Variants in COMMD1 observed in about 807,000 individuals in gnomAD.
COMMD1 encodes copper metabolism domain containing 1.
In COMMD1, 10 loss-of-function variants were observed where a neutral mutation model predicts 17.2. The observed-to-expected ratio is 0.58, with a 90% CI of 0.36 to 0.99. The LOEUF is 0.99. Among genes scored for constraint, COMMD1 ranks in the 50% least tolerant of loss-of-function variants. COMMD1 has a pLI of 0.01. For synonymous variants in COMMD1, 97 were observed against 91.6 expected (o/e 1.06, Z -0.34); for missense variants, 270 against 231.8 (o/e 1.17, Z -1.07).
chr2:62,095,551 C>T (rs2104008074), intron 2 of COMMD1, among the ~76,000 whole-genome samples: 1 of 152,084 alleles, frequency 6.6e-6, no homozygotes, highest in South Asian at 2.1e-4. Flanking sequence ...ATATGTACAT[C>T]AGATTCAGTA....
intron 1 of COMMD1, among the ~76,000 whole-genome samples, chr2:61,940,328 G>A (rs1397641233): frequency 1.3e-5 from 2 of 152,090 alleles, no homozygotes; most frequent in South Asian, 2.1e-4. Flanking sequence ...GTCACATACA[G>A]TACCCATTTT....
chr2:62,041,310 G>GT (rs911649574), intron 2 of COMMD1, among the ~76,000 whole-genome samples: 12 of 149,496 alleles, frequency 8.0e-5, no homozygotes, highest in Admixed American at 4.0e-4. Flanking sequence ...ACTACTTGTG[G>GT]TTTTTTTTTC....
intron 1 of COMMD1, among the ~76,000 whole-genome samples, chr2:61,897,750 T>TA (rs1393011593): frequency 6.6e-6 from 1 of 151,848 alleles, no homozygotes; most frequent in South Asian, 2.1e-4. Context: ...ACTCTGTCTT[T>TA]AAAAAAAATA....
chr2:61,888,704 G>A, upstream of COMMD1: 2 of 593,218 alleles, frequency 3.4e-6, no homozygotes, highest in Non-Finnish European at 5.7e-6. Flanking sequence ...GAGGCTGTCC[G>A]CTGCGCGCCG....
At chr2:61,928,627 G>A (rs1231812234) in intron 1 of COMMD1, 1 of 152,124 alleles carries the variant, frequency 6.6e-6, no homozygotes, top group African/African-American at 2.4e-5. Flanking sequence ...ATTTTTAAGG[G>A]TGGTCAAGTG....
chr2:62,055,578 G>A (rs1318192771), intron 2 of COMMD1: 6 of 393,128 alleles, frequency 1.5e-5, no homozygotes, highest in African/African-American at 8.5e-5. Context: ...ACAAGCCTTT[G>A]GAGTTTTTCA....
At chr2:62,087,947 T>C (rs1671714614) in intron 2 of COMMD1, among the ~76,000 whole-genome samples, 1 of 152,148 alleles carries the variant, frequency 6.6e-6, no homozygotes, top group South Asian at 2.1e-4. Flanking sequence ...TACTCCTGAG[T>C]CTCAGGGGTA....
At chr2:61,939,953 A>G (rs545183402) in intron 1 of COMMD1, among the ~76,000 whole-genome samples, 30 of 152,338 alleles carry the variant, frequency 2.0e-4, no homozygotes, top group Middle Eastern at 3.4e-3. Context: ...CCCAGGTAGC[A>G]AGAGCCTGTG....
chr2:62,114,530 A>C (rs1362315615), intron 2 of COMMD1, among the ~76,000 whole-genome samples: 1 of 152,340 alleles, frequency 6.6e-6, no homozygotes, highest in East Asian at 1.9e-4. Flanking sequence ...GCTTGATTTG[A>C]GTACTCTCCT....
At chr2:61,950,825 T>C (rs1671032910) in intron 1 of COMMD1, among the ~76,000 whole-genome samples, 1 of 151,952 alleles carries the variant, frequency 6.6e-6, no homozygotes, top group Admixed American at 6.6e-5. Flanking sequence ...AGTGGGAGGG[T>C]GCAAGACTTC....
intron 2 of COMMD1, among the ~76,000 whole-genome samples, chr2:62,134,613 AAAAATTTTTTTTTTTAGTT>A (rs1673135922): frequency 6.6e-6 from 1 of 152,026 alleles, no homozygotes; most frequent in Non-Finnish European, 1.5e-5. Flanking sequence ...AAAAAAAAAA[AAAAATTTTTTTTTTTAGTT>A]AACTGGGCAT....
At chr2:62,077,532 T>TTA (rs1462237130) in intron 2 of COMMD1, among the ~76,000 whole-genome samples, 1 of 152,138 alleles carries the variant, frequency 6.6e-6, no homozygotes. Flanking sequence ...CTCCCACACA[T>TTA]CCCTATTATC....
intron 1 of COMMD1, among the ~76,000 whole-genome samples, chr2:61,973,377 A>G (rs1279689190): frequency 6.6e-6 from 1 of 152,216 alleles, no homozygotes; most frequent in Non-Finnish European, 1.5e-5. Context: ...CAACAACAGT[A>G]TTTGAGAGAT....
chr2:62,090,672 C>A (rs1671800545), intron 2 of COMMD1: 1 of 152,174 alleles, frequency 6.6e-6, no homozygotes, highest in Admixed American at 6.5e-5. Context: ...TTTTGTCCCT[C>A]CCAACAGAAG....
rs1387888446 is a variant in COMMD1, at chr2:61,979,040, C to G, written c.181-21661C>G. Among the ~76,000 whole-genome samples the G allele has an allele frequency of 5.9e-5, 9 of 152,066 alleles. No homozygotes were observed. The East Asian group carries it at 1.5e-3, about 26-fold the overall frequency. The stretch of plus-strand genomic sequence containing the variant: ...GACTATAGCCACCCTGTCATGCTAT[C>G]AAGTACTACGTCTTATTTATTCTTT... On this transcript the variant is annotated intron_variant, in intron 1 of 2. Transcript: ENST00000311832.
chr2:61,895,077 A>G (rs181992549), intron 1 of COMMD1, among the ~76,000 whole-genome samples: 2 of 152,376 alleles, frequency 1.3e-5, no homozygotes, highest in East Asian at 1.9e-4. Context: ...CAAATGACCT[A>G]TAAATAAATT....
chr2:61,987,227 A>G (rs1034207127), intron 1 of COMMD1, among the ~76,000 whole-genome samples: 1 of 152,028 alleles, frequency 6.6e-6, no homozygotes, highest in Non-Finnish European at 1.5e-5. Flanking sequence ...GTTTTCCTGG[A>G]TGGTCTCGAT....
At chr2:62,004,675 C>A (rs776654906) in intron 2 of COMMD1, among the ~76,000 whole-genome samples, 63 of 152,120 alleles carry the variant, frequency 4.1e-4, no homozygotes, top group Admixed American at 3.3e-4. Flanking sequence ...ATAATAGAAC[C>A]TAGACTGGCA....
chr2:62,015,980 C>T (rs1294035961), intron 2 of COMMD1, among the ~76,000 whole-genome samples: 2 of 151,412 alleles, frequency 1.3e-5, no homozygotes, highest in Non-Finnish European at 2.9e-5. Flanking sequence ...TACAGGCACA[C>T]ACCACCACAC....
Sources: allele counts gnomAD v4.1 joint callset (sites outside exome capture counted in the v4.1 genomes callset), GRCh38; gene constraint gnomAD v4.1.1; transcripts MANE v1.5; gene names NCBI Gene and HGNC (gene_info 2026-07-23, HGNC 2026-07-21).